Variants in PROS1 observed in about 807,000 individuals in gnomAD.
The protein encoded by PROS1 is vitamin K-dependent protein S.
Under a neutral mutation model 75.9 loss-of-function variants are expected in PROS1, and 29 were observed. The observed-to-expected ratio is 0.38, with a 90% CI of 0.28 to 0.52. The LOEUF is 0.52. PROS1 is among the 20% of genes least tolerant of loss of function. The pLI is 0.83. For synonymous variants in PROS1, 245 were observed against 280.6 expected, an observed-to-expected ratio of 0.87 and a Z score of 1.27; for missense variants, 680 against 810.3, an observed-to-expected ratio of 0.84 and a Z score of 1.95.
intron 6 of PROS1, 90 bp from the exon 7 acceptor site, chr3:93,901,019 T>C (rs1429656469): frequency 7.0e-7 from 1 of 1,430,666 alleles, no homozygotes; most frequent in African/African-American, 1.4e-5. Flanking sequence ...CTGGATCTTG[T>C]TTAATATATG....
At chr3:93,898,346 G>A in intron 8 of PROS1, 102 bp downstream of exon 8, 1 of 1,348,726 alleles carries the variant, frequency 7.4e-7, no homozygotes, top group Non-Finnish European at 1.1e-6. Flanking sequence ...AGCAATTATT[G>A]CAGAACGTCT....
At chr3:93,946,469 T>A (rs1559947599) in intron 1 of PROS1, among the ~76,000 whole-genome samples, 1 of 152,040 alleles carries the variant, frequency 6.6e-6, no homozygotes, top group Admixed American at 6.5e-5. Context: ...TATAGACCAA[T>A]GGAACAGAAC....
intron 1 of PROS1, among the ~76,000 whole-genome samples, chr3:93,957,424 T>G (rs1709621441): frequency 6.6e-6 from 1 of 152,186 alleles, no homozygotes; most frequent in Admixed American, 6.5e-5. Flanking sequence ...TCTTGAATAG[T>G]TTTAAAATAT....
chr3:93,912,294 C>T (rs1262910583), intron 3 of PROS1, among the ~76,000 whole-genome samples: 1 of 152,182 alleles, frequency 6.6e-6, no homozygotes, highest in Non-Finnish European at 1.5e-5. Flanking sequence ...AATCTCCTGC[C>T]ATCCTGTTAT....
At chr3:93,944,649 T>A (rs1385320382) in intron 1 of PROS1, among the ~76,000 whole-genome samples, 1 of 152,170 alleles carries the variant, frequency 6.6e-6, no homozygotes, top group Non-Finnish European at 1.5e-5. Flanking sequence ...GGGACACATT[T>A]AAAGCAGTAT....
At chr3:93,897,859 A>G (rs571137256) in intron 8 of PROS1, among the ~76,000 whole-genome samples, 2 of 152,102 alleles carry the variant, frequency 1.3e-5, no homozygotes, top group African/African-American at 4.8e-5. Flanking sequence ...TGGGTCAATT[A>G]TGCATTAAAT....
At chr3:93,938,530 G>T (rs1024042660) in intron 1 of PROS1, among the ~76,000 whole-genome samples, 1 of 152,050 alleles carries the variant, frequency 6.6e-6, no homozygotes, top group East Asian at 1.9e-4. Context: ...ATCCACCCAC[G>T]ACCTCAGGTC....
In PROS1 at chr3:93,877,050, A is replaced by C; in HGVS notation, c.1786T>G (p.Ser596Ala). The C allele has an allele frequency of 6.2e-7, 1 of 1,613,820 alleles. No homozygotes were observed. Among genetic ancestry groups the C allele is most frequent in the Non-Finnish European group, 8.5e-7 (1 of 1,179,872 alleles). The part of the protein sequence containing the change: ...LSTPLKIETI[S>A]HEDLQRQLAV... ...AGTTGTCTTTGAAGGTCTTCATGGG[A>C]GATGGTTTCTATTTTAAGTGGTGTC... is the stretch of plus-strand genomic sequence containing the variant. Residue 596 changes from serine to alanine, a missense_variant, in exon 14 of 15, where the codon TCC (serine) becomes GCC (alanine). Transcript: ENST00000394236.
chr3:93,949,067 C>T (rs914443692), intron 1 of PROS1, among the ~76,000 whole-genome samples: 9 of 152,172 alleles, frequency 5.9e-5, no homozygotes, highest in Non-Finnish European at 8.8e-5. Flanking sequence ...GGACCAATGT[C>T]TCTAAATTGC....
chr3:93,961,116 G>C (rs1327212817), intron 1 of PROS1, among the ~76,000 whole-genome samples: 1 of 152,124 alleles, frequency 6.6e-6, no homozygotes, highest in African/African-American at 2.4e-5. Flanking sequence ...AACTTGAATA[G>C]TCTTTGGATA....
chr3:93,905,746 A>G (rs1274945626), intron 6 of PROS1, 38 bp downstream of exon 6: 1 of 1,600,166 alleles, frequency 6.2e-7, no homozygotes, highest in Non-Finnish European at 8.6e-7. Flanking sequence ...TTATTCTCAC[A>G]TAGTAAATGT....
At chr3:93,905,747 T>C (rs922828957) in intron 6 of PROS1, 37 bp downstream of exon 6, 5 of 1,601,284 alleles carry the variant, frequency 3.1e-6, no homozygotes, top group South Asian at 1.1e-5. Context: ...TATTCTCACA[T>C]AGTAAATGTG....
In PROS1 at chr3:93,906,012, T is replaced by G. The variant is rs1033113628; in HGVS notation, c.469+9A>C. 5 of 1,614,062 alleles carry G rather than the reference T, an allele frequency of 3.1e-6. No homozygotes were observed. The highest frequency in any genetic ancestry group is 4.2e-6 in the Non-Finnish European group (5 of 1,179,968). ...TGATGAGCTGGGGGGCGGGGGTTATTATACGTACCAAATTCACACTTTTCT... is the reference window on the plus strand; with the variant it reads ...TGATGAGCTGGGGGGCGGGGGTTATGATACGTACCAAATTCACACTTTTCT... On this transcript the variant is annotated intron_variant, in intron 5 of 14. Coordinates refer to ENST00000394236, the MANE Select transcript of PROS1 (RefSeq NM_000313.4).
At chr3:93,948,808 T>G (rs1709445436) in intron 1 of PROS1, among the ~76,000 whole-genome samples, 1 of 152,206 alleles carries the variant, frequency 6.6e-6, no homozygotes, top group African/African-American at 2.4e-5. Flanking sequence ...TAGTTACAAT[T>G]TTTAAAAGAT....
At chr3:93,928,475 A>G (rs1310368862) in intron 1 of PROS1, among the ~76,000 whole-genome samples, 1 of 149,964 alleles carries the variant, frequency 6.7e-6, no homozygotes, top group Non-Finnish European at 1.5e-5. Context: ...CAGAGGTTAC[A>G]GTGAGCTGAG....
At chr3:93,895,740 T>TGATC (rs1017784443) in intron 9 of PROS1, among the ~76,000 whole-genome samples, 3 of 151,938 alleles carry the variant, frequency 2.0e-5, no homozygotes, top group African/African-American at 7.3e-5. Context: ...TCACCTGAGG[T>TGATC]GATCACCTGA....
At chr3:93,943,793 T>C (rs1008098536) in intron 1 of PROS1, among the ~76,000 whole-genome samples, 1 of 152,096 alleles carries the variant, frequency 6.6e-6, no homozygotes, top group African/African-American at 2.4e-5. Context: ...AAATGGCCTG[T>C]TCCTGCCTTA....
rs1324681032 is a variant in PROS1, at chr3:93,884,895, A to G, written c.1325T>C (p.Ile442Thr). 6.2e-7 allele frequency: 1 copy of G among 1,611,954 alleles called. No individual in the cohort carries two copies. Among genetic ancestry groups the G allele is most frequent in the African/African-American group, 1.3e-5 (1 of 74,850 alleles). Residue 442 changes from isoleucine to threonine, a missense_variant and splice_region_variant, in exon 12 of 15, where the codon ATT becomes ACT. Transcript: ENST00000394236. Reference sequence around the variant, plus strand: ...TATACATCCATCTAGACGAGGGTTAATCTAACAAATTAAAATACAAGTCAA... The same window carrying G: ...TATACATCCATCTAGACGAGGGTTAGTCTAACAAATTAAAATACAAGTCAA... ...RKVESELIKPINPRLDGCIRS... is the reference protein window; with the variant it reads ...RKVESELIKPTNPRLDGCIRS...
At chr3:93,933,482 G>A (rs547015836) in intron 1 of PROS1, among the ~76,000 whole-genome samples, 4 of 151,850 alleles carry the variant, frequency 2.6e-5, no homozygotes, top group Admixed American at 2.0e-4. Context: ...GGCTGAGGCT[G>A]AAGGATCGCT....
Sources: gnomAD v4.1 joint callset for allele counts (sites outside exome capture counted in the v4.1 genomes callset) on GRCh38, gnomAD v4.1.1 for gene constraint, MANE v1.5 for transcripts, NCBI Gene and HGNC (gene_info 2026-07-23, HGNC 2026-07-21) for gene names.